Variants in KIF2A observed in about 807,000 individuals in gnomAD.
KIF2A encodes the protein kinesin family member 2A, also known as kinesin-like protein KIF2A.
In KIF2A, 22 loss-of-function variants were observed where a neutral mutation model predicts 100.2. That is an observed-to-expected ratio of 0.22 (90% CI 0.16 to 0.31). KIF2A has a LOEUF of 0.31. Among genes scored for constraint, KIF2A ranks in the 10% least tolerant of loss-of-function variants. The probability of loss-of-function intolerance (pLI) is 1.00; values close to 1 mark genes in which losing one functional copy is unlikely to be tolerated. For synonymous variants in KIF2A, 268 were observed against 285.9 expected, an observed-to-expected ratio of 0.94 and a Z score of 0.63; for missense variants, 495 against 898.7, an observed-to-expected ratio of 0.55 and a Z score of 5.74.
chr5:62,334,302 A>T lies in KIF2A; in HGVS notation c.65-12828A>T, dbSNP rs183974972. Among the ~76,000 whole-genome samples, 3 of 151,978 alleles carry T rather than the reference A, an allele frequency of 2.0e-5. No homozygotes were observed. In the East Asian group the frequency reaches 5.8e-4, roughly 29 times the overall value. On this transcript the variant is annotated intron_variant, in intron 1 of 20. Coordinates refer to ENST00000407818, the MANE Select transcript of KIF2A (RefSeq NM_001098511.3). ...ACTTGGGTCCAGGTCATGATGCCCC[A>T]GGACTTTGTTCACCTCTCAGCCACC... is the stretch of plus-strand genomic sequence containing the variant.
chr5:62,359,717 C>G (rs1394101490), intron 9 of KIF2A, among the ~76,000 whole-genome samples: 1 of 151,854 alleles, frequency 6.6e-6, no homozygotes. Flanking sequence ...GTGTTTTTAC[C>G]CTATGTTTAT....
Position 62,358,262 on chromosome 5 carries a change from G to A in KIF2A, c.835G>A (p.Ala279Thr). Residue 279 changes from alanine to threonine, a missense_variant, in exon 9 of 21, where the codon GCC (alanine) becomes ACC (threonine). This residue lies in a region of KIF2A where 109 missense variants were observed against 244.2 expected (regional missense o/e 0.45). Coordinates refer to ENST00000407818, the MANE Select transcript of KIF2A (RefSeq NM_001098511.3). ...AAACCAAACATTTCGTTTTGATTATGCCTTTGATGACTCAGCTCCTAATGA... is the reference window on the plus strand; with the variant it reads ...AAACCAAACATTTCGTTTTGATTATACCTTTGATGACTCAGCTCCTAATGA... ...LENQTFRFDY[A>T]FDDSAPNEMV... is the part of the protein sequence containing the mutation. The A allele has an allele frequency of 6.3e-7, 1 of 1,596,200 alleles. No homozygotes were observed. The highest frequency in any genetic ancestry group is 8.5e-7 in the Non-Finnish European group (1 of 1,174,710).
rs367672427 is a variant in KIF2A, at chr5:62,348,033, A to T, written c.160-15A>T. The T allele has an allele frequency of 6.2e-5, 100 of 1,612,670 alleles. 1 individual carries two copies. The African/African-American group carries it at 9.2e-4, about 15-fold the overall frequency. On this transcript the variant is annotated splice_polypyrimidine_tract_variant and intron_variant, in intron 2 of 20. Coordinates refer to ENST00000407818, the MANE Select transcript of KIF2A (RefSeq NM_001098511.3). ...AATATACTCTCAAAAGACTATGTGT[A>T]TGTGTTGTGAACAGATTGACCTGGA...
Position 62,347,834 on chromosome 5 carries a change from G to A in KIF2A, c.160-214G>A, listed in dbSNP as rs3776613. ...AGATGGGGTTTCACCATGTTGCCCA[G>A]GCTGGTCTCAGACTCCTGGGCTCAA... is the stretch of plus-strand genomic sequence containing the variant. On this transcript the variant is annotated intron_variant, in intron 2 of 20. Coordinates refer to ENST00000407818, the MANE Select transcript of KIF2A (RefSeq NM_001098511.3). Among the ~76,000 whole-genome samples the A allele has an allele frequency of 0.09, 13,635 of 151,922 alleles. 771 individuals carry two copies. The highest frequency in any genetic ancestry group is 0.16 in the African/African-American group (6,536 of 41,404).
At chr5:62,317,315 T>C (rs1745867014) in intron 1 of KIF2A, among the ~76,000 whole-genome samples, 1 of 152,240 alleles carries the variant, frequency 6.6e-6, no homozygotes, top group African/African-American at 2.4e-5. Flanking sequence ...CCCAAAGTGC[T>C]GGGATTACAG....
chr5:62,383,954 T>A (rs1048596916), intron 20 of KIF2A, among the ~76,000 whole-genome samples: 1 of 152,142 alleles, frequency 6.6e-6, no homozygotes, highest in African/African-American at 2.4e-5. Context: ...TTGGGATTTA[T>A]AAGAAAAATT....
intron 1 of KIF2A, among the ~76,000 whole-genome samples, chr5:62,316,073 A>G (rs1257919541): frequency 6.6e-6 from 1 of 152,216 alleles, no homozygotes; most frequent in Admixed American, 6.5e-5. Context: ...TGTAGAGCCT[A>G]TCAAGGTAAT....
Position 62,347,187 on chromosome 5 carries a change from T to C in KIF2A, c.122T>C (p.Val41Ala). ...SLNEDNESVT[V>A]EWIENGDTKG... Reference sequence around the variant, plus strand: ...AATGAAGATAATGAAAGTGTAACTGTTGAATGGATAGAAAATGGAGATACA... The same window carrying C: ...AATGAAGATAATGAAAGTGTAACTGCTGAATGGATAGAAAATGGAGATACA... The change falls in exon 2 of 21, where the codon GTT becomes GCT. Residue 41 changes from valine to alanine, a missense_variant. Physicochemically the swap from Val to Ala is moderately conservative, Grantham distance 64 (BLOSUM62 0). This residue lies in a region of KIF2A where 115 missense variants were observed against 143.6 expected (regional missense o/e 0.80). Coordinates refer to ENST00000407818, the MANE Select transcript of KIF2A (RefSeq NM_001098511.3). The C allele has an allele frequency of 1.9e-6, 3 of 1,600,066 alleles. No homozygotes were observed. Among genetic ancestry groups the C allele is most frequent in the Non-Finnish European group, 1.7e-6 (2 of 1,170,798 alleles).
chr5:62,381,039 GATTAT>G, intron 19 of KIF2A, 74 bp from the exon 20 acceptor site: 5 of 1,032,884 alleles, frequency 4.8e-6, no homozygotes, highest in Non-Finnish European at 5.8e-6. Context: ...AAGTATGTTT[GATTAT>G]ATTTAACAGA....
chr5:62,345,547 C>G (rs1252975597), intron 1 of KIF2A, among the ~76,000 whole-genome samples: 1 of 151,898 alleles, frequency 6.6e-6, no homozygotes, highest in East Asian at 1.9e-4. Flanking sequence ...CCTGTAATCC[C>G]AGCATTTCAG....
At chr5:62,352,891 A>C in intron 5 of KIF2A, 181 bp downstream of exon 5, 1 of 500,782 alleles carries the variant, frequency 2.0e-6, no homozygotes, top group East Asian at 3.6e-5. Flanking sequence ...TTTTTAAAGT[A>C]TATTTTGGAG....
chr5:62,353,636 C>G (rs1747961806), intron 6 of KIF2A, among the ~76,000 whole-genome samples: 1 of 152,046 alleles, frequency 6.6e-6, no homozygotes. Context: ...CATTGTGTTA[C>G]AGAATTCTAA....
chr5:62,321,420 A>G (rs1191592108), intron 1 of KIF2A, among the ~76,000 whole-genome samples: 2 of 152,100 alleles, frequency 1.3e-5, no homozygotes, highest in African/African-American at 2.4e-5. Context: ...CCTGGCCCAA[A>G]CTTGTTATTT....
chr5:62,360,729 CTT>C, intron 9 of KIF2A, among the ~76,000 whole-genome samples: 1 of 152,126 alleles, frequency 6.6e-6, no homozygotes, highest in Non-Finnish European at 1.5e-5. Flanking sequence ...TTTAGGTATC[CTT>C]TTCCTAAATT....
At chr5:62,311,053 T>C (rs376934213) in intron 1 of KIF2A, among the ~76,000 whole-genome samples, 59 of 152,322 alleles carry the variant, frequency 3.9e-4, no homozygotes, top group African/African-American at 1.4e-3. Flanking sequence ...AAGAGAATCT[T>C]AGAATATTTC....
At chr5:62,334,480 C>T (rs977884449) in intron 1 of KIF2A, among the ~76,000 whole-genome samples, 2 of 151,412 alleles carry the variant, frequency 1.3e-5, no homozygotes, top group Non-Finnish European at 2.9e-5. Flanking sequence ...CCAGCCCTCA[C>T]TAAGTACCCT....
intron 1 of KIF2A, among the ~76,000 whole-genome samples, chr5:62,332,990 C>T (rs193000358): frequency 4.9e-4 from 75 of 152,290 alleles, no homozygotes; most frequent in African/African-American, 1.8e-3. Context: ...GTAAATGGCT[C>T]ATACTGAATA....
intron 3 of KIF2A, among the ~76,000 whole-genome samples, chr5:62,349,579 A>G (rs536745530): frequency 2.8e-4 from 42 of 152,248 alleles, no homozygotes; most frequent in Admixed American, 5.2e-4. Context: ...CAAGTCTTAG[A>G]AACTCTTATG....
At chr5:62,321,355 G>T (rs950621672) in intron 1 of KIF2A, among the ~76,000 whole-genome samples, 1 of 152,032 alleles carries the variant, frequency 6.6e-6, no homozygotes, top group African/African-American at 2.4e-5. Flanking sequence ...TTCAAAAGTG[G>T]CTATATTATT....
Sources: allele counts gnomAD v4.1 joint callset (sites outside exome capture counted in the v4.1 genomes callset), GRCh38; gene constraint gnomAD v4.1.1; regional missense constraint gnomAD v4.1.1; transcripts MANE v1.5; gene names NCBI Gene and HGNC (gene_info 2026-07-23, HGNC 2026-07-21).